Variants in CAMK1D observed in about 807,000 individuals in gnomAD.
CAMK1D encodes the protein calcium/calmodulin dependent protein kinase ID, also known as calcium/calmodulin-dependent protein kinase type 1D.
Under a neutral mutation model 47.7 loss-of-function variants are expected in CAMK1D, and 9 were observed. The ratio of observed to expected loss-of-function variants is 0.19; its 90% CI spans 0.11 to 0.33. CAMK1D has a LOEUF of 0.33. CAMK1D is among the 10% of genes least tolerant of loss of function. The probability of loss-of-function intolerance (pLI) is 1.00; values close to 1 mark genes in which losing one functional copy is unlikely to be tolerated. For missense variants in CAMK1D, 291 were observed against 488.7 expected, an observed-to-expected ratio of 0.60 and a Z score of 3.81; for synonymous variants, 184 against 184.9, an observed-to-expected ratio of 0.99 and a Z score of 0.04.
At chr10:12,574,382 A>C (rs1484101385) in intron 2 of CAMK1D, among the ~76,000 whole-genome samples, 2 of 149,364 alleles carry the variant, frequency 1.3e-5, no homozygotes, top group African/African-American at 5.0e-5. Context: ...GCTCACTGCA[A>C]CCTCTGCTTC....
chr10:12,630,870 G>A (rs1294216487), intron 2 of CAMK1D, among the ~76,000 whole-genome samples: 4 of 152,152 alleles, frequency 2.6e-5, no homozygotes, highest in Non-Finnish European at 4.4e-5. Context: ...GGAGGCTGTG[G>A]ACTTCAGAGG....
At chr10:12,575,317 T>C (rs1242049106) in intron 2 of CAMK1D, among the ~76,000 whole-genome samples, 1 of 152,160 alleles carries the variant, frequency 6.6e-6, no homozygotes, top group Non-Finnish European at 1.5e-5. Flanking sequence ...GATCTTGAAC[T>C]CCTGACCTTG....
chr10:12,597,015 AG>A (rs1401021201), intron 2 of CAMK1D, among the ~76,000 whole-genome samples: 2 of 152,140 alleles, frequency 1.3e-5, no homozygotes, highest in Non-Finnish European at 2.9e-5. Flanking sequence ...TCTGGAGCTC[AG>A]GGTCTAATTC....
chr10:12,797,988 G>A lies in CAMK1D; in HGVS notation c.641+6755G>A, dbSNP rs113615639. On this transcript the variant is annotated intron_variant, in intron 6 of 10. Transcript: ENST00000619168. ...GTTGAGGGAAATCGGGCTTTTAGAT[G>A]GTGAGGGGAGCAACTCCCTGCCGGT... Among the ~76,000 whole-genome samples the A allele has an allele frequency of 2.6e-3, 394 of 152,260 alleles. 1 individual carries two copies. The highest frequency in any genetic ancestry group is 8.9e-3 in the African/African-American group (368 of 41,546).
intron 1 of CAMK1D, among the ~76,000 whole-genome samples, chr10:12,515,357 C>G (rs1044886494): frequency 6.6e-5 from 10 of 150,660 alleles, no homozygotes; most frequent in Non-Finnish European, 1.3e-4. Context: ...CCCGAAGCCT[C>G]GGCAGCCTTT....
chr10:12,760,933 G>A lies in CAMK1D; in HGVS notation c.300-15G>A. The A allele has an allele frequency of 6.2e-7, 1 of 1,610,100 alleles. No individual in the cohort carries two copies. The highest frequency in any genetic ancestry group is 8.5e-7 in the Non-Finnish European group (1 of 1,176,664). ...ACAGATCCTTTCAAACTTCTAATAT[G>A]TTCTTTTTTGCCAGGGTGTCCGGTG... On this transcript the variant is annotated splice_polypyrimidine_tract_variant and intron_variant, in intron 3 of 10. Transcript: ENST00000619168.
chr10:12,508,690 A>T (rs1386259050), intron 1 of CAMK1D, among the ~76,000 whole-genome samples: 2 of 152,130 alleles, frequency 1.3e-5, no homozygotes, highest in African/African-American at 4.8e-5. Context: ...AAGCAAACAC[A>T]TGGGTCTCCT....
intron 1 of CAMK1D, among the ~76,000 whole-genome samples, chr10:12,518,205 T>C (rs1835267462): frequency 6.6e-6 from 1 of 152,240 alleles, no homozygotes; most frequent in African/African-American, 2.4e-5. Flanking sequence ...CACCTCTTTT[T>C]ATGAATAAAG....
intron 3 of CAMK1D, among the ~76,000 whole-genome samples, chr10:12,703,796 G>C (rs1377889124): frequency 6.6e-6 from 1 of 151,640 alleles, no homozygotes; most frequent in Non-Finnish European, 1.5e-5. Flanking sequence ...TTAAACCTGG[G>C]AGGCGGAGGT....
chr10:12,715,925 G>C (rs969565407), intron 3 of CAMK1D, among the ~76,000 whole-genome samples: 4 of 151,890 alleles, frequency 2.6e-5, no homozygotes, highest in Non-Finnish European at 5.9e-5. Context: ...GGCCAGGCTG[G>C]TCTCAAACTC....
rs1430035871 is a variant in CAMK1D at position 12,666,996 on chromosome 10, G to A, written c.299+186G>A. ...GTGGGCTGCACACAGGCGTCTACAG[G>A]CCTCCCTTGCACCAGCCTGCACTGC... On this transcript the variant is annotated intron_variant, in intron 3 of 10. Coordinates refer to ENST00000619168, the MANE Select transcript of CAMK1D (RefSeq NM_153498.4). The A allele has an allele frequency of 8.5e-6, 5 of 586,870 alleles. No individual in the cohort carries two copies. In the Admixed American group the frequency reaches 1.5e-4, roughly 18 times the overall value. 36.4% of individuals were successfully genotyped at this position (586,870 alleles called of 1,614,324 possible).
At chr10:12,768,602 T>C (rs557885381) in intron 4 of CAMK1D, among the ~76,000 whole-genome samples, 1 of 151,928 alleles carries the variant, frequency 6.6e-6, no homozygotes, top group Admixed American at 6.6e-5. Flanking sequence ...GGGTGGACAT[T>C]CCTGGACAAC....
intron 10 of CAMK1D, among the ~76,000 whole-genome samples, chr10:12,827,488 T>TC (rs1339630698): frequency 0.023 from 226 of 10,020 alleles, 53 homozygotes; most frequent in Middle Eastern, 0.036. Flanking sequence ...CTTTCTTTCT[T>TC]TCTTTCTTTC....
chr10:12,604,948 C>T lies in CAMK1D; in HGVS notation c.224+51592C>T, dbSNP rs898119762. The stretch of plus-strand genomic sequence containing the variant: ...TGTCGCCCAGGCTGGAGTGCAATGG[C>T]GCAATCTCAACTCACTGCAACCTCT... On this transcript the variant is annotated intron_variant, in intron 2 of 10. Coordinates refer to ENST00000619168, the MANE Select transcript of CAMK1D (RefSeq NM_153498.4). 8.0e-5 allele frequency among the ~76,000 whole-genome samples: 12 copies of T among 150,940 alleles called. No homozygotes were observed. In the South Asian group the frequency reaches 2.1e-3, roughly 26 times the overall value.
chr10:12,430,795 G>A (rs957405950), intron 1 of CAMK1D, among the ~76,000 whole-genome samples: 2 of 152,100 alleles, frequency 1.3e-5, no homozygotes, highest in Non-Finnish European at 2.9e-5. Context: ...GTGTGGCCCC[G>A]GCTGGAGTGC....
At position 12,522,942 on chromosome 10, in the gene CAMK1D, C is replaced by T. The variant is rs549662614; in HGVS notation, c.93-30283C>T. ...GCTGACCCCCCACCTGCCTCCCAGA[C>T]GGGGCGGCTGGCCTGGTGGGGGCTG... On this transcript the variant is annotated intron_variant, in intron 1 of 10. Transcript: ENST00000619168. Among the ~76,000 whole-genome samples, 121 of 102,232 alleles carry T rather than the reference C, an allele frequency of 1.2e-3. 37 individuals are homozygous for T. The highest frequency in any genetic ancestry group is 3.1e-3 in the East Asian group (12 of 3,828). The allele number at this position is 102,232 out of a possible 152,430, so 67.1% of individuals were successfully genotyped here.
rs769389938 is a variant in CAMK1D, at chr10:12,831,591, T to G, written c.*2704T>G. On this transcript the variant is annotated 3_prime_UTR_variant, in exon 11 of 11. Transcript: ENST00000619168. ...AGAACCTCTGAAAGGTGAGCCGTGGTGCAGGTGCCCCCCTCGCTGTTCGGG... is the reference window on the plus strand; with the variant it reads ...AGAACCTCTGAAAGGTGAGCCGTGGGGCAGGTGCCCCCCTCGCTGTTCGGG... 6.6e-6 allele frequency: 1 copy of G among 152,222 alleles called. No homozygotes were observed. The highest frequency in any genetic ancestry group is 1.5e-5 in the Non-Finnish European group (1 of 68,044). 9.4% of individuals were successfully genotyped at this position (152,222 alleles called of 1,614,324 possible).
At chr10:12,528,947 G>T (rs1244373187) in intron 1 of CAMK1D, among the ~76,000 whole-genome samples, 1 of 150,696 alleles carries the variant, frequency 6.6e-6, no homozygotes, top group Non-Finnish European at 1.5e-5. Flanking sequence ...TCACCTTGTT[G>T]CCCAGGCTGG....
chr10:12,546,271 A>C (rs1458190375), intron 1 of CAMK1D, among the ~76,000 whole-genome samples: 1 of 152,058 alleles, frequency 6.6e-6, no homozygotes. Flanking sequence ...GAAGGAGGAC[A>C]TGAACCAGAG....
Sources: allele counts gnomAD v4.1 joint callset (sites outside exome capture counted in the v4.1 genomes callset), GRCh38; gene constraint gnomAD v4.1.1; transcripts MANE v1.5; gene names NCBI Gene and HGNC (gene_info 2026-07-23, HGNC 2026-07-21).